RYR1: variants seen among roughly 807,000 people sequenced by gnomAD.
RYR1 encodes central core disease of muscle.
RYR1 carries 342 observed loss-of-function variants against 583.5 expected under a neutral mutation model. The observed-to-expected ratio is 0.59, with a 90% CI of 0.54 to 0.64. The LOEUF (loss-of-function observed/expected upper bound fraction) is 0.64. Among genes scored for constraint, RYR1 ranks in the 30% least tolerant of loss-of-function variants. RYR1 has a pLI of 0.00. For synonymous variants in RYR1, 2,791 were observed against 2,822.5 expected (o/e 0.99, Z 0.35); for missense variants, 6,032 against 6,917.2 (o/e 0.87, Z 4.54).
intron 13 of RYR1, 69 bp downstream of exon 13, chr19:38,453,083 A>G (rs1967172102): frequency 1.3e-6 from 2 of 1,529,860 alleles, no homozygotes; most frequent in African/African-American, 2.8e-5. Flanking sequence ...GGGCGGGGCC[A>G]CGGCGCTGGG....
At chr19:38,443,036 C>T (rs557382154) in intron 3 of RYR1, among the ~76,000 whole-genome samples, 3 of 152,294 alleles carry the variant, frequency 2.0e-5, no homozygotes, top group East Asian at 3.9e-4. Flanking sequence ...TGACATCGAG[C>T]AGTCAGATGT....
chr19:38,513,108 C>T (rs1161026900), intron 63 of RYR1, among the ~76,000 whole-genome samples: 2 of 151,266 alleles, frequency 1.3e-5, no homozygotes, highest in African/African-American at 4.9e-5. Flanking sequence ...GAGGCCAAGG[C>T]GGACAGATCA....
At position 38,561,101 on chromosome 19, in the gene RYR1, G is replaced by A; in HGVS notation, c.12283-12G>A. The A allele has an allele frequency of 1.2e-6, 2 of 1,612,150 alleles. No homozygotes were observed. The highest frequency in any genetic ancestry group is 1.1e-5 in the South Asian group (1 of 90,998). The stretch of plus-strand genomic sequence containing the variant: ...TCCAGGTCACCCCACTGACCTCCCT[G>A]CCCGCCCCCAGGCCATGGACAGCCA... On this transcript the variant is annotated splice_polypyrimidine_tract_variant and intron_variant, in intron 89 of 105. Transcript: ENST00000359596. This position sits in a 1 kb window ranked among gnomAD's most constrained non-coding sequence, Gnocchi z 4.8.
intron 89 of RYR1, among the ~76,000 whole-genome samples, chr19:38,555,904 T>G (rs1601025834): frequency 6.6e-6 from 1 of 152,210 alleles, no homozygotes; most frequent in East Asian, 1.9e-4. Context: ...CACTCTGTTG[T>G]CCAGGCTGGA....
chr19:38,552,970 T>G (rs1235157369), intron 89 of RYR1, among the ~76,000 whole-genome samples: 1 of 152,212 alleles, frequency 6.6e-6, no homozygotes, highest in Non-Finnish European at 1.5e-5. Context: ...TTACACAAAG[T>G]TATAATCTGC....
At position 38,565,121 on chromosome 19, in the gene RYR1, G is replaced by A. The variant is rs1471120810; in HGVS notation, c.12787G>A (p.Glu4263Lys). The change falls in exon 91 of 106, where the codon GAG (glutamate) becomes AAG (lysine). Residue 4263 changes from glutamate (E) to lysine (K), a missense_variant. Transcript: ENST00000359596. This position sits in a 1 kb window ranked among gnomAD's most constrained non-coding sequence, Gnocchi z 4.7. ...GGGCGAGCCGGAGACCGACGAGGAC[G>A]AGGGCGCGGGCGCGGCGGAGGCGGG... ...PEGEPETDED[E>K]GAGAAEAGAE... The A allele has an allele frequency of 3.6e-5, 56 of 1,536,654 alleles. No individual in the cohort carries two copies. Among genetic ancestry groups the A allele is most frequent in the Admixed American group, 3.9e-5 (2 of 50,902 alleles).
chr19:38,475,502 T>G (rs1306571024), intron 29 of RYR1, 52 bp downstream of exon 29: 10 of 1,608,482 alleles, frequency 6.2e-6, no homozygotes, highest in Non-Finnish European at 8.5e-6. Flanking sequence ...GCATAGGCAC[T>G]CCTGAATTTC....
chr19:38,468,327 A>G (rs1238521891), intron 25 of RYR1, among the ~76,000 whole-genome samples: 1 of 149,040 alleles, frequency 6.7e-6, no homozygotes, highest in South Asian at 2.2e-4. Context: ...CATCCAACCA[A>G]CCATCCATCC....
At position 38,506,342 on chromosome 19, in the gene RYR1, G is replaced by A. The variant is rs138647599; in HGVS notation, c.8581G>A (p.Asp2861Asn). 4 of 1,613,548 alleles carry A rather than the reference G, an allele frequency of 2.5e-6. No individual in the cohort carries two copies. In the African/African-American group the frequency reaches 5.3e-5, roughly 22 times the overall value. The change falls in exon 55 of 106, where the codon GAC becomes AAC. Residue 2861 changes from aspartate (D) to asparagine (N), a missense_variant. Physicochemically the swap from Asp to Asn is conservative, Grantham distance 23. Around this residue, in one of 11 missense-constraint regions of RYR1, gnomAD observed 1,493 missense variants for 1,715.5 expected, o/e 0.87. Coordinates refer to ENST00000359596, the MANE Select transcript of RYR1 (RefSeq NM_000540.3). ...AGAAGGCTACAACCCTCAGCCCCCCGACCTTAGTGCTGTTACCCTGTCCCG... is the reference window on the plus strand; with the variant it reads ...AGAAGGCTACAACCCTCAGCCCCCCAACCTTAGTGCTGTTACCCTGTCCCG... ...PREGYNPQPP[D>N]LSAVTLSREL...
chr19:38,514,255 C>G (rs1970852387), intron 63 of RYR1, among the ~76,000 whole-genome samples: 1 of 149,632 alleles, frequency 6.7e-6, no homozygotes, highest in Non-Finnish European at 1.5e-5. Context: ...CATACTGAGA[C>G]CCCATCTCTA....
Position 38,483,274 on chromosome 19 carries a change from GTC to G in RYR1, c.4708-10_4708-9del, listed in dbSNP as rs1477985044. The G allele has an allele frequency of 2.6e-6, 4 of 1,562,468 alleles. No homozygotes were observed. Among genetic ancestry groups the G allele is most frequent in the Non-Finnish European group, 3.5e-6 (4 of 1,153,560 alleles). ...GGGCTGGCCATCTTGACCCATGTGT[GTC>G]TCTCTGCCCTCAGAACATCATGCCG... On this transcript the variant is annotated splice_polypyrimidine_tract_variant and intron_variant, in intron 32 of 105. Transcript: ENST00000359596. This position sits in a 1 kb window ranked among gnomAD's most constrained non-coding sequence, Gnocchi z 6.3.
Position 38,504,230 on chromosome 19 carries a change from A to C in RYR1, c.7937A>C (p.Asn2646Thr). 1 of 1,613,098 alleles carries C rather than the reference A, an allele frequency of 6.2e-7. No individual in the cohort carries two copies. The highest frequency in any genetic ancestry group is 8.5e-7 in the Non-Finnish European group (1 of 1,179,686). The stretch of plus-strand genomic sequence containing the variant: ...CTTGTTCCCACCCAGCTCCTCACCA[A>C]CCACTATGAGCGCTGTTGGAAGTAC... ...FAKMPLKLLT[N>T]HYERCWKYYC... The change falls in exon 50 of 106, where the codon AAC (asparagine) becomes ACC (threonine). Residue 2646 changes from asparagine (N) to threonine (T), a missense_variant. By Grantham distance (65) the Asn-to-Thr change is moderately conservative. Transcript: ENST00000359596.
Position 38,507,809 on chromosome 19 carries a change from G to T in RYR1, c.8914G>T (p.Glu2972Ter). The change falls in exon 58 of 106, where the codon GAG (glutamate) becomes TAG (stop). Residue 2972 changes from glutamate to a stop codon, truncating the protein, a stop_gained. Transcript: ENST00000359596. LOFTEE classifies it high-confidence loss of function. Reference protein sequence around the residue: ...QLLRWMDISQEFIAHLEAVVS... With the variant: ...QLLRWMDISQ ...GCTGCGCTGGATGGACATTTCTCAG[G>T]AGTTCATTGCCCACCTGGGTACGGA... The T allele has an allele frequency of 6.2e-7, 1 of 1,612,608 alleles. No homozygotes were observed. The highest frequency in any genetic ancestry group is 8.5e-7 in the Non-Finnish European group (1 of 1,178,784).
Position 38,575,920 on chromosome 19 carries a change from T to C in RYR1, c.14131T>C (p.Ser4711Pro), listed in dbSNP as rs1300537682. Residue 4711 changes from serine (S) to proline (P), a missense_variant and splice_region_variant, in exon 97 of 106, where the codon TCT becomes CCT. By Grantham distance (74) the Ser-to-Pro change is moderately conservative. Coordinates refer to ENST00000359596, the MANE Select transcript of RYR1 (RefSeq NM_000540.3). ...QWDRLVLNTP[S>P]FPSNYWDKFV... The stretch of plus-strand genomic sequence containing the variant: ...CGCTTTCTCTCTCTCTCTCTGCAGG[T>C]CTTTCCCTAGCAACTACTGGGACAA... 2 of 1,614,182 alleles carry C rather than the reference T, an allele frequency of 1.2e-6. No individual in the cohort carries two copies. The highest frequency in any genetic ancestry group is 8.5e-7 in the Non-Finnish European group (1 of 1,180,030).
chr19:38,528,526 G>A, intron 74 of RYR1, 73 bp from the exon 75 acceptor site: 2 of 1,594,412 alleles, frequency 1.3e-6, no homozygotes, highest in Non-Finnish European at 1.7e-6. Context: ...GTGGTTGGGG[G>A]CTGCAGGCGC....
At chr19:38,455,579 T>G in intron 15 of RYR1, 33 bp downstream of exon 15, 3 of 1,611,984 alleles carry the variant, frequency 1.9e-6, no homozygotes, top group Non-Finnish European at 2.5e-6. Context: ...GACAGAGGCT[T>G]GTGGGAGGGG....
chr19:38,552,229 A>C lies in RYR1; in HGVS notation c.12282+3809A>C, dbSNP rs1972694846. ...AGGCTCCCAAAGTGCTGGGATTACC[A>C]GCATAAGCTACCATGCCCAGCAGGA... On this transcript the variant is annotated intron_variant, in intron 89 of 105. Transcript: ENST00000359596. Among the ~76,000 whole-genome samples the C allele has an allele frequency of 4.0e-5, 6 of 148,932 alleles. No individual in the cohort carries two copies. The South Asian group carries it at 1.3e-3, about 32-fold the overall frequency.
At chr19:38,456,010 C>T (rs1967362448) in intron 16 of RYR1, among the ~76,000 whole-genome samples, 4 of 135,584 alleles carry the variant, frequency 3.0e-5, no homozygotes, top group Non-Finnish European at 4.5e-5. Flanking sequence ...CTCACACTGT[C>T]GCTCAGACTG....
Position 38,499,716 on chromosome 19 carries a change from G to T in RYR1, c.7109G>T (p.Gly2370Val), listed in dbSNP as rs1192500919. 19 of 1,601,794 alleles carry T rather than the reference G, an allele frequency of 1.2e-5. No individual in the cohort carries two copies. The highest frequency in any genetic ancestry group is 1.6e-5 in the Non-Finnish European group (19 of 1,179,634). The change falls in exon 44 of 106, where the codon GGT (glycine) becomes GTT (valine). Residue 2370 changes from glycine to valine, a missense_variant. Around this residue, in one of 11 missense-constraint regions of RYR1, gnomAD observed 2,627 missense variants for 2,961.3 expected, o/e 0.89. Transcript: ENST00000359596. This position sits in a 1 kb window ranked among gnomAD's most constrained non-coding sequence, Gnocchi z 7.3. ...KPECFGPALR[G>V]EGGSGLLAAI... is the part of the protein sequence containing the mutation. Reference sequence around the variant, plus strand: ...GAGTGCTTCGGACCCGCCCTGCGGGGTGAGGGTGGCTCAGGGCTGCTGGCT... The same window carrying T: ...GAGTGCTTCGGACCCGCCCTGCGGGTTGAGGGTGGCTCAGGGCTGCTGGCT...
Sources: allele counts gnomAD v4.1 joint callset (sites outside exome capture counted in the v4.1 genomes callset), GRCh38; gene constraint gnomAD v4.1.1; regional missense constraint gnomAD v4.1.1; non-coding constraint Gnocchi (gnomAD v3.1); transcripts MANE v1.5; gene names NCBI Gene and HGNC (gene_info 2026-07-23, HGNC 2026-07-21).